Variants in ZNF438 observed in about 807,000 individuals in gnomAD.
ZNF438 encodes zinc finger protein 438.
ZNF438 carries 25 observed loss-of-function variants against 38.0 expected under a neutral mutation model. The observed-to-expected ratio is 0.66, with a 90% CI of 0.48 to 0.92. ZNF438 has a LOEUF of 0.92. Ranked by LOEUF, ZNF438 falls within the 40% of genes least tolerant of loss-of-function variation. The probability of loss-of-function intolerance (pLI) is 0.00; values close to 1 mark genes in which losing one functional copy is unlikely to be tolerated. For synonymous variants in ZNF438, 372 were observed against 364.1 expected, an observed-to-expected ratio of 1.02 and a Z score of -0.25; for missense variants, 1,007 against 999.6, an observed-to-expected ratio of 1.01 and a Z score of -0.10.
chr10:30,911,719 T>G (rs1261177801), intron 2 of ZNF438, among the ~76,000 whole-genome samples: 1 of 152,128 alleles, frequency 6.6e-6, no homozygotes, highest in African/African-American at 2.4e-5. Flanking sequence ...CTGCTCTCCT[T>G]AACTCCTCAA....
At chr10:31,022,660 T>C (rs2056681501) in intron 1 of ZNF438, among the ~76,000 whole-genome samples, 1 of 152,122 alleles carries the variant, frequency 6.6e-6, no homozygotes, top group Non-Finnish European at 1.5e-5. Context: ...GCAGCCAGCG[T>C]TGGTCAACAG....
exon 5 of ZNF438, chr10:30,850,062 C>T: frequency 1.9e-6 from 3 of 1,614,100 alleles, no homozygotes; most frequent in Non-Finnish European, 2.5e-6. Context: ...TTCAGGTTTT[C>T]AGGTAGGGAC....
chr10:30,961,097 G>A (rs184491106), intron 1 of ZNF438, among the ~76,000 whole-genome samples: 1 of 141,188 alleles, frequency 7.1e-6, no homozygotes, highest in African/African-American at 2.5e-5. Context: ...AAGAACAAAA[G>A]ATATTAATCT....
intron 1 of ZNF438, among the ~76,000 whole-genome samples, chr10:31,022,260 C>CT (rs57644959): frequency 0.73 from 108,861 of 149,156 alleles, 40,117 homozygotes; most frequent in African/African-American, 0.77. Context: ...AGCTTTCTTC[C>CT]TTTTTTTTTT....
At position 30,981,746 on chromosome 10, in the gene ZNF438, C is replaced by T. The variant is rs191941894; in HGVS notation, c.-191-40095G>A. 4.1e-3 allele frequency among the ~76,000 whole-genome samples: 616 copies of T among 151,998 alleles called. 7 individuals carry two copies. The highest frequency in any genetic ancestry group is 0.014 in the African/African-American group (578 of 41,452). ...CAAAAAAAATTAGCTGGGCTGGTGG[C>T]GTGCACCTGTAATCCCAGCTGCTCA... On this transcript the variant is annotated intron_variant, in intron 1 of 5. Transcript: ENST00000413025.
intron 1 of ZNF438, among the ~76,000 whole-genome samples, chr10:30,942,071 T>C (rs1411944913): frequency 1.3e-5 from 2 of 152,200 alleles, no homozygotes; most frequent in Non-Finnish European, 2.9e-5. Flanking sequence ...AAAAACTCTG[T>C]ATCGAGGCGA....
intron 2 of ZNF438, among the ~76,000 whole-genome samples, chr10:30,934,843 T>C (rs1288451313): frequency 6.6e-6 from 1 of 152,228 alleles, no homozygotes; most frequent in Admixed American, 6.5e-5. Context: ...AGGTACTTGA[T>C]ATGTTGCCAG....
chr10:31,007,387 T>C (rs1273133782), intron 1 of ZNF438, among the ~76,000 whole-genome samples: 3 of 151,202 alleles, frequency 2.0e-5, no homozygotes, highest in Admixed American at 1.3e-4. Context: ...GTTCAAGCGA[T>C]TCTCCTGTCT....
chr10:30,947,347 A>C (rs2047535347), intron 1 of ZNF438, among the ~76,000 whole-genome samples: 1 of 152,262 alleles, frequency 6.6e-6, no homozygotes, highest in African/African-American at 2.4e-5. Flanking sequence ...ATTTTCTTAC[A>C]CAGAATTAGA....
At chr10:30,935,095 T>C (rs2046101076) in intron 2 of ZNF438, among the ~76,000 whole-genome samples, 1 of 152,212 alleles carries the variant, frequency 6.6e-6, no homozygotes, top group Non-Finnish European at 1.5e-5. Flanking sequence ...TATGAAATCA[T>C]TTGGAAACTC....
chr10:30,888,526 C>G lies in ZNF438; in HGVS notation c.-31-11461G>C, dbSNP rs2040255089. Reference sequence around the variant, plus strand: ...TTCTGCTCCTCTCCCTCCTCCCACCCTCCACCCTCTACCCTCAAGTAGGCT... The same window carrying G: ...TTCTGCTCCTCTCCCTCCTCCCACCGTCCACCCTCTACCCTCAAGTAGGCT... On this transcript the variant is annotated intron_variant, in intron 3 of 5. Transcript: ENST00000413025. Among the ~76,000 whole-genome samples the G allele has an allele frequency of 2.0e-5, 3 of 152,228 alleles. No individual in the cohort carries two copies. The South Asian group carries it at 6.2e-4, about 32-fold the overall frequency.
intron 1 of ZNF438, among the ~76,000 whole-genome samples, chr10:30,997,294 GA>G (rs1278667350): frequency 6.6e-6 from 1 of 152,150 alleles, no homozygotes; most frequent in East Asian, 1.9e-4. Context: ...TGATAGAAAG[GA>G]AGGTTCTTAT....
chr10:30,888,661 T>C (rs1393948933), intron 3 of ZNF438, among the ~76,000 whole-genome samples: 1 of 152,182 alleles, frequency 6.6e-6, no homozygotes, highest in Non-Finnish European at 1.5e-5. Flanking sequence ...TTGCTAAGGA[T>C]GATGGCCTCC....
chr10:30,943,111 T>TA (rs2046992409), intron 1 of ZNF438, among the ~76,000 whole-genome samples: 1 of 152,156 alleles, frequency 6.6e-6, no homozygotes, highest in Admixed American at 6.5e-5. Flanking sequence ...TTGTCATTGG[T>TA]GCTGTTTTTT....
intron 1 of ZNF438, among the ~76,000 whole-genome samples, chr10:30,953,620 A>G (rs1195725949): frequency 1.3e-5 from 2 of 148,526 alleles, no homozygotes; most frequent in Admixed American, 1.4e-4. Context: ...CATGTACCCT[A>G]AAACTTAAAA....
At chr10:30,908,298 C>A (rs2042771604) in intron 3 of ZNF438, among the ~76,000 whole-genome samples, 1 of 152,188 alleles carries the variant, frequency 6.6e-6, no homozygotes, top group Admixed American at 6.5e-5. Context: ...TCCTAATAAT[C>A]TATCCTGAAG....
intron 3 of ZNF438, among the ~76,000 whole-genome samples, chr10:30,902,346 G>A (rs2042108224): frequency 1.4e-5 from 2 of 143,462 alleles, no homozygotes; most frequent in East Asian, 2.0e-4. Context: ...TAGATACAGA[G>A]TGTCGATTGG....
At position 30,938,490 on chromosome 10, in the gene ZNF438, G is replaced by A. The variant is rs1251216712; in HGVS notation, c.-115+3085C>T. 1.3e-5 allele frequency among the ~76,000 whole-genome samples: 2 copies of A among 151,842 alleles called. 1 individual carries two copies. The highest frequency in any genetic ancestry group is 1.3e-4 in the Admixed American group (2 of 15,244). ...GGGGTTTCATCATATTGGTCAGGCT[G>A]GTCTCAAACTCCTGACCTCAGGTGA... On this transcript the variant is annotated intron_variant, in intron 2 of 5. Transcript: ENST00000413025.
chr10:30,974,696 A>G (rs1004155065), intron 1 of ZNF438, among the ~76,000 whole-genome samples: 2 of 152,242 alleles, frequency 1.3e-5, no homozygotes, highest in Non-Finnish European at 2.9e-5. Flanking sequence ...TCTTGACTTT[A>G]CAAAATGAAA....
Sources: allele counts gnomAD v4.1 joint callset (sites outside exome capture counted in the v4.1 genomes callset), GRCh38; gene constraint gnomAD v4.1.1; transcripts MANE v1.5; gene names NCBI Gene and HGNC (gene_info 2026-07-23, HGNC 2026-07-21).